Variants in ZNF804B observed in about 807,000 individuals in gnomAD.
The protein encoded by ZNF804B is zinc finger protein 804B.
In ZNF804B, 80 loss-of-function variants were observed where a neutral mutation model predicts 101.4. The ratio of observed to expected loss-of-function variants is 0.79; its 90% confidence interval spans 0.66 to 0.95. The LOEUF (loss-of-function observed/expected upper bound fraction) is 0.95, where lower values mean the gene tolerates loss of function less well. ZNF804B is among the 40% of genes least tolerant of loss of function. The pLI is 0.00. For missense variants in ZNF804B, 1,673 were observed against 1,561.9 expected (o/e 1.07, Z -1.20); for synonymous variants, 622 against 558.8 (o/e 1.11, Z -1.59).
intron 1 of ZNF804B, among the ~76,000 whole-genome samples, chr7:88,972,799 T>A (rs2116115113): frequency 6.6e-6 from 1 of 151,120 alleles, no homozygotes; most frequent in South Asian, 2.1e-4. Context: ...ACTAATAGTA[T>A]ACCTGCCTTT....
chr7:88,855,789 C>T (rs1384532654), intron 1 of ZNF804B, among the ~76,000 whole-genome samples: 6 of 151,942 alleles, frequency 3.9e-5, no homozygotes, highest in African/African-American at 9.7e-5. Context: ...GTATAAGGTG[C>T]AAGGAAGGGA....
At chr7:88,768,380 T>A (rs947871350) in intron 1 of ZNF804B, among the ~76,000 whole-genome samples, 18 of 152,236 alleles carry the variant, frequency 1.2e-4, no homozygotes, top group African/African-American at 3.9e-4. Context: ...TTAGTGAAAT[T>A]TAAGGAAATC....
At chr7:88,958,238 T>C (rs568076656) in intron 1 of ZNF804B, among the ~76,000 whole-genome samples, 13 of 151,528 alleles carry the variant, frequency 8.6e-5, no homozygotes, top group Middle Eastern at 3.4e-3. Flanking sequence ...ATTTCTCTCA[T>C]AGGAAAATTT....
intron 1 of ZNF804B, chr7:88,794,159 G>C: frequency 6.4e-7 from 1 of 1,567,892 alleles, no homozygotes; most frequent in Non-Finnish European, 8.6e-7. Context: ...TAAGAGACAT[G>C]GGCACATTAT....
At chr7:88,937,903 G>T (rs769338459) in intron 1 of ZNF804B, among the ~76,000 whole-genome samples, 10 of 152,044 alleles carry the variant, frequency 6.6e-5, no homozygotes, top group Non-Finnish European at 1.3e-4. Flanking sequence ...GAATTGAACT[G>T]TGTAAAATAT....
chr7:89,274,029 A>G (rs1789938062), intron 2 of ZNF804B, among the ~76,000 whole-genome samples: 4 of 151,914 alleles, frequency 2.6e-5, no homozygotes, highest in Admixed American at 2.0e-4. Flanking sequence ...GACATACTAA[A>G]AATCCATTCT....
chr7:89,283,465 A>G (rs1350369117), intron 2 of ZNF804B, among the ~76,000 whole-genome samples: 2 of 152,140 alleles, frequency 1.3e-5, no homozygotes, highest in Non-Finnish European at 1.5e-5. Context: ...ATGTATTTAT[A>G]GTGTGTGGAC....
At chr7:89,079,135 T>G (rs1789657190) in intron 1 of ZNF804B, among the ~76,000 whole-genome samples, 1 of 152,006 alleles carries the variant, frequency 6.6e-6, no homozygotes, top group Admixed American at 6.6e-5. Context: ...ACAAATAAAT[T>G]TCATAGAGGC....
chr7:88,867,205 AT>A (rs1791739538), intron 1 of ZNF804B, among the ~76,000 whole-genome samples: 1 of 152,232 alleles, frequency 6.6e-6, no homozygotes, highest in African/African-American at 2.4e-5. Flanking sequence ...GAGAGAGGCG[AT>A]TTTTTTAGGG....
At chr7:89,300,066 T>G (rs1790451055) in intron 2 of ZNF804B, among the ~76,000 whole-genome samples, 1 of 151,582 alleles carries the variant, frequency 6.6e-6, no homozygotes, top group African/African-American at 2.4e-5. Context: ...GCTTGATTAT[T>G]TCTTTGCCTC....
rs147171457 is a variant in ZNF804B at position 88,794,283 on chromosome 7, G to A, written c.108+34199G>A. The A allele has an allele frequency of 3.7e-4, 600 of 1,613,732 alleles. 1 individual carries two copies. The highest frequency in any genetic ancestry group is 2.5e-3 in the Middle Eastern group (15 of 6,060). ...ATGTTGCCGGGTCCATGAATTCTTC[G>A]GATTTGCACAAGTACTTTATGATTT... On this transcript the variant is annotated intron_variant, in intron 1 of 3. Coordinates refer to ENST00000333190, the MANE Select transcript of ZNF804B (RefSeq NM_181646.5).
intron 1 of ZNF804B, among the ~76,000 whole-genome samples, chr7:89,012,032 GA>G (rs532812025): frequency 5.1e-4 from 78 of 152,282 alleles, no homozygotes; most frequent in Non-Finnish European, 1.0e-3. Context: ...TACATCCTCT[GA>G]AAGCTAGGCA....
At chr7:89,228,127 T>C (rs1423347166) in intron 2 of ZNF804B, among the ~76,000 whole-genome samples, 1 of 152,128 alleles carries the variant, frequency 6.6e-6, no homozygotes, top group South Asian at 2.1e-4. Context: ...GATGTTCGGA[T>C]GTGTTTGGAG....
chr7:88,962,806 G>A (rs948455416), intron 1 of ZNF804B, among the ~76,000 whole-genome samples: 12 of 145,054 alleles, frequency 8.3e-5, no homozygotes, highest in Non-Finnish European at 1.5e-4. Context: ...AAGAGAGAAA[G>A]CATTTCATTC....
chr7:89,214,024 T>A (rs1360722334), intron 1 of ZNF804B, among the ~76,000 whole-genome samples: 1 of 152,212 alleles, frequency 6.6e-6, no homozygotes, highest in Non-Finnish European at 1.5e-5. Flanking sequence ...AAAACATACG[T>A]GTTTTACGCA....
intron 1 of ZNF804B, among the ~76,000 whole-genome samples, chr7:89,156,004 T>C (rs1021695788): frequency 2.4e-5 from 3 of 127,086 alleles, no homozygotes; most frequent in Non-Finnish European, 3.6e-5. Context: ...TCTTTCTTTC[T>C]TTCTTTCTCT....
intron 1 of ZNF804B, chr7:88,794,291 A>T: frequency 6.2e-7 from 1 of 1,613,830 alleles, no homozygotes; most frequent in Non-Finnish European, 8.5e-7. Context: ...TCGGATTTGC[A>T]CAAGTACTTT....
At chr7:88,926,603 A>C (rs1009015789) in intron 1 of ZNF804B, among the ~76,000 whole-genome samples, 1 of 151,934 alleles carries the variant, frequency 6.6e-6, no homozygotes, top group East Asian at 1.9e-4. Context: ...GTGAGACTCC[A>C]TCTCAAAATA....
chr7:89,037,286 A>C (rs2116242053), intron 1 of ZNF804B, among the ~76,000 whole-genome samples: 1 of 152,232 alleles, frequency 6.6e-6, no homozygotes, highest in South Asian at 2.1e-4. Flanking sequence ...AACATGCTTA[A>C]GAATGTCCAC....
Sources: allele counts gnomAD v4.1 joint callset (sites outside exome capture counted in the v4.1 genomes callset), GRCh38; gene constraint gnomAD v4.1.1; transcripts MANE v1.5; gene names NCBI Gene and HGNC (gene_info 2026-07-23, HGNC 2026-07-21).